Variants in ADARB2 observed in about 807,000 individuals in gnomAD.
ADARB2 encodes inactive double-stranded RNA-specific editase B2.
A neutral mutation model predicts 62.2 loss-of-function variants in ADARB2; 25 were observed. The observed-to-expected ratio is 0.40, with a 90% CI of 0.29 to 0.56. ADARB2 has a LOEUF of 0.56. Among genes scored for constraint, ADARB2 ranks in the 20% least tolerant of loss-of-function variants. The probability of loss-of-function intolerance (pLI) is 0.43; values close to 1 mark genes in which losing one functional copy is unlikely to be tolerated. For synonymous variants in ADARB2, 572 were observed against 500.8 expected, an observed-to-expected ratio of 1.14 and a Z score of -1.90; for missense variants, 1,071 against 1,077.4, an observed-to-expected ratio of 0.99 and a Z score of 0.08.
At chr10:1,696,826 C>T (rs1834752289) in intron 1 of ADARB2, among the ~76,000 whole-genome samples, 1 of 152,198 alleles carries the variant, frequency 6.6e-6, no homozygotes, top group African/African-American at 2.4e-5. Context: ...TGACCCTGTA[C>T]TCCCTTCCTT....
Position 1,477,417 on chromosome 10 carries a change from A to G in ADARB2, c.101-98257T>C, listed in dbSNP as rs1253982538. ...ATGGCCCCCTCCAGCATGACCCTATACAGCTTCCTTCCAGCCCTGCTTCTT... is the reference window on the plus strand; with the variant it reads ...ATGGCCCCCTCCAGCATGACCCTATGCAGCTTCCTTCCAGCCCTGCTTCTT... On this transcript the variant is annotated intron_variant, in intron 1 of 9. Coordinates refer to ENST00000381312, the MANE Select transcript of ADARB2 (RefSeq NM_018702.4). The surrounding 1 kb of genome is among the most constrained non-coding windows in gnomAD (Gnocchi z 4.5). Among the ~76,000 whole-genome samples, 1 of 152,010 alleles carries G rather than the reference A, an allele frequency of 6.6e-6. No homozygotes were observed. Among genetic ancestry groups the G allele is most frequent in the East Asian group, 1.9e-4 (1 of 5,172 alleles).
At chr10:1,265,954 G>C (rs1224410677) in intron 4 of ADARB2, among the ~76,000 whole-genome samples, 1 of 129,178 alleles carries the variant, frequency 7.7e-6, no homozygotes, top group East Asian at 2.5e-4. Context: ...CCTGAGAGGG[G>C]GGCCCAGACT....
intron 1 of ADARB2, among the ~76,000 whole-genome samples, chr10:1,496,728 G>A (rs915661664): frequency 1.2e-4 from 18 of 151,492 alleles, no homozygotes; most frequent in African/African-American, 3.9e-4. Flanking sequence ...ACCATAATTA[G>A]CATCAACATA....
At chr10:1,327,593 T>G (rs1437240589) in intron 3 of ADARB2, among the ~76,000 whole-genome samples, 3 of 62,470 alleles carry the variant, frequency 4.8e-5, no homozygotes, top group African/African-American at 2.1e-4. Flanking sequence ...GCCTCCTCAC[T>G]GCACAGCGCC....
In ADARB2 at chr10:1,250,690, T is replaced by TA. The variant is rs529708245; in HGVS notation, c.1193-8392dup. Among the ~76,000 whole-genome samples the TA allele has an allele frequency of 1.2e-3, 176 of 152,314 alleles. 2 individuals carry two copies. Among genetic ancestry groups the TA allele is most frequent in the African/African-American group, 4.1e-3 (169 of 41,570 alleles). ...GAGCTAGATAAACCACTATTTTTTA[T>TA]AAAGTACCCAGTCTCATGTATTCTG... On this transcript the variant is annotated intron_variant, in intron 4 of 9. Coordinates refer to ENST00000381312, the MANE Select transcript of ADARB2 (RefSeq NM_018702.4).
chr10:1,710,855 C>G (rs1371954830), intron 1 of ADARB2, among the ~76,000 whole-genome samples: 1 of 152,076 alleles, frequency 6.6e-6, no homozygotes, highest in Non-Finnish European at 1.5e-5. Flanking sequence ...CTTGTTCAGG[C>G]CAGTGTGAGG....
At chr10:1,490,012 G>C (rs1377376413) in intron 1 of ADARB2, among the ~76,000 whole-genome samples, 28 of 152,238 alleles carry the variant, frequency 1.8e-4, no homozygotes, top group Admixed American at 4.6e-4. Flanking sequence ...CCTTGCAGCT[G>C]ACTGACAATT....
chr10:1,538,427 A>G (rs1832361898), intron 1 of ADARB2, among the ~76,000 whole-genome samples: 1 of 152,162 alleles, frequency 6.6e-6, no homozygotes, highest in Non-Finnish European at 1.5e-5. Flanking sequence ...GACACAGGGG[A>G]TCCAGGAGTG....
intron 2 of ADARB2, among the ~76,000 whole-genome samples, chr10:1,364,507 A>G (rs1207939191): frequency 6.6e-6 from 1 of 152,240 alleles, no homozygotes; most frequent in African/African-American, 2.4e-5. Context: ...GGGCACACCT[A>G]TTCAGTAAAT....
intron 8 of ADARB2, chr10:1,199,371 G>C (rs1343146675): frequency 6.6e-6 from 1 of 152,348 alleles, no homozygotes; most frequent in Non-Finnish European, 1.5e-5. Context: ...GTGCCAGGCA[G>C]CCCGGGCAGG....
intron 1 of ADARB2, among the ~76,000 whole-genome samples, chr10:1,553,230 T>C (rs998675904): frequency 1.3e-5 from 2 of 152,252 alleles, no homozygotes; most frequent in Non-Finnish European, 2.9e-5. Context: ...CGGTGATTTC[T>C]GTCATAAATT....
At chr10:1,593,686 T>C (rs1005357501) in intron 1 of ADARB2, among the ~76,000 whole-genome samples, 1 of 152,238 alleles carries the variant, frequency 6.6e-6, no homozygotes, top group African/African-American at 2.4e-5. Context: ...TGGTTTGTTT[T>C]TGCTTATAAC....
At chr10:1,576,361 T>A (rs1366223399) in intron 1 of ADARB2, among the ~76,000 whole-genome samples, 1 of 81,414 alleles carries the variant, frequency 1.2e-5, no homozygotes, top group Non-Finnish European at 2.4e-5. Flanking sequence ...TCACAGGAAG[T>A]GGCTTAGGGT....
At chr10:1,559,850 G>A (rs112515764) in intron 1 of ADARB2, among the ~76,000 whole-genome samples, 1 of 152,170 alleles carries the variant, frequency 6.6e-6, no homozygotes, top group African/African-American at 2.4e-5. Context: ...AGGAGCCCAT[G>A]TTGCGGTGAC....
chr10:1,248,401 C>T (rs993197117), intron 4 of ADARB2, among the ~76,000 whole-genome samples: 1 of 138,940 alleles, frequency 7.2e-6, no homozygotes, highest in Non-Finnish European at 1.6e-5. Context: ...CTTAGGAAGT[C>T]CTCCTGAGGT....
intron 3 of ADARB2, among the ~76,000 whole-genome samples, chr10:1,342,538 A>T (rs1224383561): frequency 6.6e-6 from 1 of 152,148 alleles, no homozygotes; most frequent in Non-Finnish European, 1.5e-5. Context: ...CTCCTCTTGG[A>T]GATCGCAGAC....
At chr10:1,553,809 G>A (rs1438832190) in intron 1 of ADARB2, among the ~76,000 whole-genome samples, 6 of 152,152 alleles carry the variant, frequency 3.9e-5, no homozygotes. Context: ...CAGGAATAAC[G>A]AGCTACAGAG....
At chr10:1,265,935 G>A (rs1163969233) in intron 4 of ADARB2, among the ~76,000 whole-genome samples, 4 of 124,502 alleles carry the variant, frequency 3.2e-5, no homozygotes, top group Admixed American at 7.7e-5. Flanking sequence ...ACGCTCCCCC[G>A]GAAGACGGCC....
At chr10:1,333,092 T>C (rs1295507466) in intron 3 of ADARB2, among the ~76,000 whole-genome samples, 1 of 152,220 alleles carries the variant, frequency 6.6e-6, no homozygotes, top group African/African-American at 2.4e-5. Context: ...CCTCAGCTCA[T>C]AAGAGAAAAG....
Sources: gnomAD v4.1 joint callset for allele counts (sites outside exome capture counted in the v4.1 genomes callset) on GRCh38, gnomAD v4.1.1 for gene constraint, Gnocchi (gnomAD v3.1) non-coding constraint, MANE v1.5 for transcripts, NCBI Gene and HGNC (gene_info 2026-07-23, HGNC 2026-07-21) for gene names.